Variants in EPCAM observed in about 807,000 individuals in gnomAD.
EPCAM encodes adenocarcinoma-associated antigen.
EPCAM carries 39 observed loss-of-function variants against 40.0 expected under a neutral mutation model. The observed-to-expected ratio is 0.98, with a 90% CI of 0.76 to 1.27. The LOEUF is 1.27. Ranked by LOEUF, EPCAM falls within the 50% of genes most tolerant of loss-of-function variation. The probability of loss-of-function intolerance (pLI) is 0.00; values close to 1 mark genes in which losing one functional copy is unlikely to be tolerated. For synonymous variants in EPCAM, 168 were observed against 132.3 expected (o/e 1.27, Z -1.85); for missense variants, 503 against 381.2 (o/e 1.32, Z -2.66).
At chr2:47,383,792 A>G (rs184253769) in intron 7 of EPCAM, among the ~76,000 whole-genome samples, 2 of 145,394 alleles carry the variant, frequency 1.4e-5, no homozygotes, top group Non-Finnish European at 3.0e-5. Flanking sequence ...GCACCACCAT[A>G]CCTGGCTAAT....
Position 47,369,518 on chromosome 2 carries a change from C to A in EPCAM, c.13C>A (p.Gln5Lys), listed in dbSNP as rs747738988. The A allele has an allele frequency of 1.9e-6, 3 of 1,565,818 alleles. No individual in the cohort carries two copies. Among genetic ancestry groups the A allele is most frequent in the Non-Finnish European group, 2.6e-6 (3 of 1,161,902 alleles). MAPP[Q>K]VLAFGLLLAA... is the part of the protein sequence containing the mutation. Reference sequence around the variant, plus strand: ...GCGCGCGCGCAGCATGGCGCCCCCGCAGGTCCTCGCGTTCGGGCTTCTGCT... The same window carrying A: ...GCGCGCGCGCAGCATGGCGCCCCCGAAGGTCCTCGCGTTCGGGCTTCTGCT... Residue 5 changes from glutamine (Q) to lysine (K), a missense_variant, in exon 1 of 9, where the codon CAG becomes AAG. Physicochemically the swap from Gln to Lys is moderately conservative, Grantham distance 53. Transcript: ENST00000263735.
chr2:47,379,877 G>A lies in EPCAM; in HGVS notation c.766G>A (p.Ala256Thr), dbSNP rs864622089. 2 of 1,614,176 alleles carry A rather than the reference G, an allele frequency of 1.2e-6. No individual in the cohort carries two copies. The highest frequency in any genetic ancestry group is 1.1e-5 in the South Asian group (1 of 91,082). The change falls in exon 7 of 9, where the codon GCA becomes ACA. Residue 256 changes from alanine (A) to threonine (T), a missense_variant. By Grantham distance (58) the Ala-to-Thr change is moderately conservative. Transcript: ENST00000263735. ...QTLIYYVDEK[A>T]PEFSMQGLKA... is the part of the protein sequence containing the mutation. The stretch of plus-strand genomic sequence containing the variant: ...TTTAATTTATTATGTTGATGAAAAA[G>A]CACCTGAATTCTCAATGCAGGGTCT...
chr2:47,376,669 G>C (rs968811790), intron 4 of EPCAM, among the ~76,000 whole-genome samples: 2 of 152,166 alleles, frequency 1.3e-5, no homozygotes, highest in Admixed American at 6.6e-5. Flanking sequence ...CATGATGTCA[G>C]CTTGTCCCTT....
At chr2:47,376,471 G>A (rs891108962) in intron 4 of EPCAM, among the ~76,000 whole-genome samples, 27 of 152,088 alleles carry the variant, frequency 1.8e-4, no homozygotes, top group African/African-American at 6.5e-4. Context: ...CGTTGGTCAG[G>A]CTGGTCTCGA....
intron 1 of EPCAM, among the ~76,000 whole-genome samples, chr2:47,369,985 G>A (rs1671206827): frequency 6.6e-6 from 1 of 152,186 alleles, no homozygotes. Flanking sequence ...TTTACGACAG[G>A]GACCAGCGGG....
intron 3 of EPCAM, among the ~76,000 whole-genome samples, chr2:47,374,713 A>G (rs1671376909): frequency 6.6e-6 from 1 of 151,362 alleles, no homozygotes; most frequent in African/African-American, 2.4e-5. Context: ...GCACAATCTC[A>G]GCTCACTGCA....
rs138091465 is a variant in EPCAM, at chr2:47,373,388, T to C, written c.77-75T>C. The C allele has an allele frequency of 9.7e-4, 899 of 924,742 alleles. 5 individuals carry two copies. Among genetic ancestry groups the C allele is most frequent in the Middle Eastern group, 7.1e-3 (30 of 4,250 alleles). 57.3% of individuals were successfully genotyped at this position (924,742 alleles called of 1,614,324 possible). Reference sequence around the variant, plus strand: ...TCCTTGTAACTTTAGGCATTATTATTACAATATAACTTAGCTGGGACATGA... The same window carrying C: ...TCCTTGTAACTTTAGGCATTATTATCACAATATAACTTAGCTGGGACATGA... On this transcript the variant is annotated intron_variant, in intron 1 of 8. Coordinates refer to ENST00000263735, the MANE Select transcript of EPCAM (RefSeq NM_002354.3).
chr2:47,378,242 C>T (rs1438481315), intron 5 of EPCAM, among the ~76,000 whole-genome samples: 1 of 149,446 alleles, frequency 6.7e-6, no homozygotes, highest in South Asian at 2.1e-4. Context: ...AAAAACAAAA[C>T]AAAAAAACAA....
intron 4 of EPCAM, among the ~76,000 whole-genome samples, chr2:47,376,688 A>G (rs1397867265): frequency 6.6e-6 from 1 of 152,202 alleles, no homozygotes; most frequent in Non-Finnish European, 1.5e-5. Context: ...TTTACTAGTA[A>G]AGTAAACTTT....
At chr2:47,383,305 G>GGAAAAAAAAAAA (rs1305593102) in intron 7 of EPCAM, 27 of 124,032 alleles carry the variant, frequency 2.2e-4, no homozygotes, top group African/African-American at 7.9e-4. Flanking sequence ...GACTCCATCT[G>GGAAAAAAAAAAA]AAAAAAAAAA....
At position 47,374,129 on chromosome 2, in the gene EPCAM, A is replaced by G. The variant is rs1254745305; in HGVS notation, c.425+81A>G. ...AATTTATTTTTGATTATGTAATATG[A>G]TTTCATGGTTTAGAATTCAGAAGAT... is the stretch of plus-strand genomic sequence containing the variant. On this transcript the variant is annotated intron_variant, in intron 3 of 8. Coordinates refer to ENST00000263735, the MANE Select transcript of EPCAM (RefSeq NM_002354.3). The G allele has an allele frequency of 3.3e-6, 5 of 1,509,630 alleles. No homozygotes were observed. In the African/African-American group the frequency reaches 6.9e-5, roughly 21 times the overall value. The allele number at this position is 1,509,630 out of a possible 1,614,324, so 93.5% of individuals were successfully genotyped here. A position where few individuals can be genotyped will look rare whatever the true frequency, so the allele number is the denominator to read the frequency against.
At chr2:47,370,181 G>C (rs1336464951) in intron 1 of EPCAM, among the ~76,000 whole-genome samples, 1 of 152,228 alleles carries the variant, frequency 6.6e-6, no homozygotes, top group Non-Finnish European at 1.5e-5. Context: ...AGGGAACGCA[G>C]AAATAATAAC....
intron 5 of EPCAM, 88 bp from the exon 6 acceptor site, chr2:47,378,865 C>G (rs1671498125): frequency 8.2e-6 from 6 of 727,580 alleles, no homozygotes; most frequent in South Asian, 4.5e-5. Context: ...AAATCAAACA[C>G]TGAATATTCT....
rs1286253164 is a variant in EPCAM at position 47,373,564 on chromosome 2, T to C, written c.178T>C (p.Ser60Pro). 1 of 1,608,068 alleles carries C rather than the reference T, an allele frequency of 6.2e-7. No homozygotes were observed. Among genetic ancestry groups the C allele is most frequent in the Non-Finnish European group, 8.5e-7 (1 of 1,174,580 alleles). ...SVGAQNTVIC[S>P]KLAAKCLVMK... Reference sequence around the variant, plus strand: ...TGGTGCACAAAATACTGTCATTTGCTCAAAGCGTGAGTAAAATATCCTAAT... The same window carrying C: ...TGGTGCACAAAATACTGTCATTTGCCCAAAGCGTGAGTAAAATATCCTAAT... Residue 60 changes from serine (S) to proline (P), a missense_variant, in exon 2 of 9, where the codon TCA (serine) becomes CCA (proline). Ser to Pro is a moderately conservative substitution (Grantham distance 74, BLOSUM62 -1). Coordinates refer to ENST00000263735, the MANE Select transcript of EPCAM (RefSeq NM_002354.3).
At chr2:47,381,925 C>T (rs1671602691) in intron 7 of EPCAM, among the ~76,000 whole-genome samples, 1 of 152,076 alleles carries the variant, frequency 6.6e-6, no homozygotes, top group Non-Finnish European at 1.5e-5. Context: ...TGCCACTATA[C>T]CTGGCTAATT....
chr2:47,374,349 A>C (rs979969214), intron 3 of EPCAM, among the ~76,000 whole-genome samples: 1 of 152,166 alleles, frequency 6.6e-6, no homozygotes, highest in East Asian at 1.9e-4. Context: ...TTTACTTAAC[A>C]TTATTCAGTA....
In EPCAM at chr2:47,378,954, A is replaced by G. The variant is rs757739862; in HGVS notation, c.557A>G (p.Tyr186Cys). ...GTATTATTCAATTTTTTTCCCCAGT[A>G]TGAGAATAATGTTATCACTATTGAT... ...LDPKFITSIL[Y>C]ENNVITIDLV... Residue 186 changes from tyrosine (Y) to cysteine (C), a missense_variant and splice_region_variant, in exon 6 of 9, where the codon TAT (tyrosine) becomes TGT (cysteine). Transcript: ENST00000263735. The G allele has an allele frequency of 4.2e-6, 6 of 1,419,540 alleles. No individual in the cohort carries two copies. The highest frequency in any genetic ancestry group is 2.3e-5 in the South Asian group (2 of 86,886). The allele number at this position is 1,419,540 out of a possible 1,614,324, so 87.9% of individuals were successfully genotyped here. A position where few individuals can be genotyped will look rare whatever the true frequency, so the allele number is the denominator to read the frequency against.
rs2103753295 is a variant in EPCAM at position 47,377,022 on chromosome 2, A to G, written c.500A>G (p.Gln167Arg). Residue 167 changes from glutamine (Q) to arginine (R), a missense_variant, in exon 5 of 9, where the codon CAG (glutamine) becomes CGG (arginine). Physicochemically the swap from Gln to Arg is conservative, Grantham distance 43. Transcript: ENST00000263735. ...TTTTAAATTCTTTACAGTGCACTTC[A>G]GAAGGAGATCACAACGCGTTATCAA... ...YDSKSLRTAL[Q>R]KEITTRYQLD... 1 of 1,607,800 alleles carries G rather than the reference A, an allele frequency of 6.2e-7. No homozygotes were observed.
chr2:47,371,540 T>G (rs1011189703), intron 1 of EPCAM, among the ~76,000 whole-genome samples: 1 of 152,244 alleles, frequency 6.6e-6, no homozygotes, highest in Non-Finnish European at 1.5e-5. Context: ...AATTATACTC[T>G]CAAAGTAATG....
Sources: gnomAD v4.1 joint callset for allele counts (sites outside exome capture counted in the v4.1 genomes callset) on GRCh38, gnomAD v4.1.1 for gene constraint, MANE v1.5 for transcripts, NCBI Gene and HGNC (gene_info 2026-07-23, HGNC 2026-07-21) for gene names.